MAPK8: variants seen among roughly 807,000 people sequenced by gnomAD.
The protein encoded by MAPK8 is mitogen-activated protein kinase 8.
A neutral mutation model predicts 52.9 loss-of-function variants in MAPK8; 13 were observed. The ratio of observed to expected loss-of-function variants is 0.25; its 90% CI spans 0.16 to 0.39. The LOEUF (loss-of-function observed/expected upper bound fraction) is 0.39. Among genes scored for constraint, MAPK8 ranks in the 10% least tolerant of loss-of-function variants. The pLI is 1.00. For missense variants in MAPK8, 300 were observed against 519.2 expected (o/e 0.58, Z 4.10); for synonymous variants, 191 against 169.8 (o/e 1.12, Z -0.97).
At chr10:48,403,265 C>G (rs2042252806) in intron 2 of MAPK8, among the ~76,000 whole-genome samples, 2 of 152,116 alleles carry the variant, frequency 1.3e-5, no homozygotes, top group Admixed American at 6.5e-5. Flanking sequence ...CAAGACCAGC[C>G]TGGCCAACAT....
chr10:48,379,825 T>A (rs893281395), intron 1 of MAPK8, among the ~76,000 whole-genome samples: 1 of 151,748 alleles, frequency 6.6e-6, no homozygotes, highest in African/African-American at 2.4e-5. Context: ...TCCATAGTTA[T>A]CTGAAACCTG....
chr10:48,409,807 G>A, intron 3 of MAPK8, 72 bp from the exon 4 acceptor site: 1 of 984,062 alleles, frequency 1.0e-6, no homozygotes, highest in African/African-American at 1.6e-5. Flanking sequence ...TTTAACTCAT[G>A]TATTTGTAGT....
intron 1 of MAPK8, among the ~76,000 whole-genome samples, chr10:48,350,043 T>C (rs947388108): frequency 6.6e-6 from 1 of 152,138 alleles, no homozygotes; most frequent in African/African-American, 2.4e-5. Context: ...CCTGGACACA[T>C]ATAGCCTCCC....
At chr10:48,309,019 G>T (rs1026211771) in intron 1 of MAPK8, among the ~76,000 whole-genome samples, 5 of 152,166 alleles carry the variant, frequency 3.3e-5, no homozygotes, top group African/African-American at 9.7e-5. Context: ...TTAAGATGAT[G>T]GTTGAAAATC....
intron 1 of MAPK8, among the ~76,000 whole-genome samples, chr10:48,331,492 C>T (rs1844143582): frequency 6.6e-6 from 1 of 152,206 alleles, no homozygotes; most frequent in Admixed American, 6.5e-5. Flanking sequence ...GGTCTTTTCC[C>T]CTCCCTTCCA....
chr10:48,336,449 G>A (rs922660197), intron 1 of MAPK8, among the ~76,000 whole-genome samples: 1 of 152,090 alleles, frequency 6.6e-6, no homozygotes, highest in Admixed American at 6.5e-5. Context: ...TCTAAAAGCA[G>A]CAATTCTCAA....
intron 1 of MAPK8, among the ~76,000 whole-genome samples, chr10:48,348,426 C>T (rs1329498168): frequency 6.6e-6 from 1 of 152,110 alleles, no homozygotes; most frequent in Non-Finnish European, 1.5e-5. Context: ...TTTTTGTTGC[C>T]ATTGCTTTTG....
At chr10:48,355,839 A>T (rs1035364219) in intron 1 of MAPK8, among the ~76,000 whole-genome samples, 1 of 152,240 alleles carries the variant, frequency 6.6e-6, no homozygotes, top group Non-Finnish European at 1.5e-5. Flanking sequence ...ACAGCAGAAC[A>T]TCAAAGACAA....
chr10:48,378,969 G>T (rs1226226531), intron 1 of MAPK8, among the ~76,000 whole-genome samples: 1 of 151,966 alleles, frequency 6.6e-6, no homozygotes, highest in Non-Finnish European at 1.5e-5. Flanking sequence ...CAATTTATTT[G>T]CAAAAAAAGT....
chr10:48,330,292 A>T (rs901435951), intron 1 of MAPK8, among the ~76,000 whole-genome samples: 2 of 152,210 alleles, frequency 1.3e-5, no homozygotes, highest in African/African-American at 4.8e-5. Context: ...TTTATTTAAC[A>T]GGAAGGAGTT....
chr10:48,397,128 AC>A (rs1211142862), intron 1 of MAPK8, among the ~76,000 whole-genome samples: 1 of 151,970 alleles, frequency 6.6e-6, no homozygotes, highest in Non-Finnish European at 1.5e-5. Flanking sequence ...TTAAAAGATT[AC>A]TTATGGTAAT....
At chr10:48,317,574 A>G (rs1842626602) in intron 1 of MAPK8, among the ~76,000 whole-genome samples, 1 of 152,220 alleles carries the variant, frequency 6.6e-6, no homozygotes, top group Admixed American at 6.5e-5. Context: ...GGGTTGGTGG[A>G]TAAAGGAAAT....
Position 48,404,897 on chromosome 10 carries a change from G to A in MAPK8, c.168G>A (p.Lys56=), listed in dbSNP as rs904857600. 2 of 1,610,130 alleles carry A rather than the reference G, an allele frequency of 1.2e-6. No homozygotes were observed. The highest frequency in any genetic ancestry group is 1.3e-5 in the African/African-American group (1 of 74,908). ...AILERNVAIK[K]LSRPFQNQTH... ...TTGAAAGAAATGTTGCAATCAAGAA[G>A]CTAAGCCGACCATTTCAGAATCAGA... The change falls in exon 3 of 12, where the codon AAG becomes AAA. Residue 56 remains lysine, a synonymous_variant. Transcript: ENST00000374189.
intron 1 of MAPK8, among the ~76,000 whole-genome samples, chr10:48,348,980 C>T (rs1427832807): frequency 6.7e-6 from 1 of 149,118 alleles, no homozygotes; most frequent in Non-Finnish European, 1.5e-5. Flanking sequence ...GGTTGCGATT[C>T]TAGTCTCTGA....
At chr10:48,371,048 G>A (rs1006291413) in intron 1 of MAPK8, among the ~76,000 whole-genome samples, 3 of 152,088 alleles carry the variant, frequency 2.0e-5, no homozygotes, top group Non-Finnish European at 4.4e-5. Context: ...TTTGTGAGTG[G>A]CTTTCCAGAG....
At chr10:48,424,863 A>G (rs994072502) in intron 7 of MAPK8, among the ~76,000 whole-genome samples, 4 of 152,110 alleles carry the variant, frequency 2.6e-5, no homozygotes, top group Non-Finnish European at 5.9e-5. Flanking sequence ...AAAATTTATA[A>G]TAATTATACA....
intron 1 of MAPK8, among the ~76,000 whole-genome samples, chr10:48,376,554 C>T (rs2040674944): frequency 6.6e-6 from 1 of 152,132 alleles, no homozygotes; most frequent in African/African-American, 2.4e-5. Context: ...GCAACCCCAT[C>T]AAAAAGCAGG....
At chr10:48,425,528 A>T (rs577018733) in intron 7 of MAPK8, 2 of 330,776 alleles carry the variant, frequency 6.0e-6, no homozygotes, top group East Asian at 1.0e-4. Context: ...ACAGAAAAGG[A>T]AAAATTTTGT....
At chr10:48,326,779 T>C (rs1338095860) in intron 1 of MAPK8, among the ~76,000 whole-genome samples, 1 of 152,190 alleles carries the variant, frequency 6.6e-6, no homozygotes, top group Non-Finnish European at 1.5e-5. Context: ...TTCCTGGTCC[T>C]CCCGTTACTG....
Sources: allele counts gnomAD v4.1 joint callset (sites outside exome capture counted in the v4.1 genomes callset), GRCh38; gene constraint gnomAD v4.1.1; transcripts MANE v1.5; gene names NCBI Gene and HGNC (gene_info 2026-07-23, HGNC 2026-07-21).